The following PCDH11X variants were observed in gnomAD, a reference collection of about 807,000 sequenced individuals.
PCDH11X encodes the protein protocadherin 11 X-linked, also known as protocadherin-11 X-linked.
In PCDH11X, 18 loss-of-function variants were observed where a neutral mutation model predicts 53.3. The ratio of observed to expected loss-of-function variants is 0.34; its 90% CI spans 0.23 to 0.50. The LOEUF (loss-of-function observed/expected upper bound fraction) is 0.50. PCDH11X is among the 20% of genes least tolerant of loss of function. PCDH11X has a pLI of 0.98. For synonymous variants in PCDH11X, 279 were observed against 393.3 expected, an observed-to-expected ratio of 0.71 and a Z score of 3.44; for missense variants, 570 against 1,032.4, an observed-to-expected ratio of 0.55 and a Z score of 6.14.
intron 8 of PCDH11X, among the ~76,000 whole-genome samples, chrX:92,343,128 A>T (rs1273802951): frequency 1.8e-5 from 2 of 112,112 alleles, no homozygotes; most frequent in African/African-American, 6.5e-5. Context: ...TCTCATTTTA[A>T]ATGTGTAAAG....
In PCDH11X at chrX:91,810,505, A is replaced by C. The variant is rs908320541; in HGVS notation, c.-177A>C. 1 of 112,097 alleles carries C rather than the reference A, an allele frequency of 8.9e-6. No individual in the cohort carries two copies. Among genetic ancestry groups the C allele is most frequent in the Non-Finnish European group, 1.9e-5 (1 of 53,233 alleles). The allele number at this position is 112,097 out of a possible 1,213,427, so 9.2% of individuals were successfully genotyped here. On this transcript the variant is annotated 5_prime_UTR_variant, in exon 3 of 11. Coordinates refer to ENST00000682573, the MANE Select transcript of PCDH11X (RefSeq NM_032968.5). ...CTGTTGCGAATAAGAAGGATTCCACAGATCACATACCGGAGAGGTTTTGCC... is the reference window on the plus strand; with the variant it reads ...CTGTTGCGAATAAGAAGGATTCCACCGATCACATACCGGAGAGGTTTTGCC...
At chrX:92,182,308 C>A (rs5984156) in intron 6 of PCDH11X, among the ~76,000 whole-genome samples, 2 of 111,100 alleles carry the variant, frequency 1.8e-5, no homozygotes, top group Admixed American at 1.9e-4. Flanking sequence ...GCCTATACCC[C>A]CATTGTATTT....
chrX:92,364,659 C>A (rs2070422037), intron 8 of PCDH11X, among the ~76,000 whole-genome samples: 1 of 109,899 alleles, frequency 9.1e-6, no homozygotes, highest in Non-Finnish European at 1.9e-5. Flanking sequence ...GACTCTTTTA[C>A]CTCGTAAACT....
At chrX:91,889,551 G>T (rs779416230) in intron 6 of PCDH11X, among the ~76,000 whole-genome samples, 1 of 112,288 alleles carries the variant, frequency 8.9e-6, no homozygotes, top group South Asian at 3.7e-4. Context: ...GACCTCAGGT[G>T]ATCCACCCGC....
intron 4 of PCDH11X, among the ~76,000 whole-genome samples, chrX:91,821,385 T>A (rs1456410180): frequency 9.1e-6 from 1 of 109,501 alleles, no homozygotes; most frequent in East Asian, 2.9e-4. Flanking sequence ...AAGAGGTCCT[T>A]CACATCCCTT....
At chrX:91,883,050 C>T in intron 6 of PCDH11X, 1 of 1,073,292 alleles carries the variant, frequency 9.3e-7, no homozygotes, top group Non-Finnish European at 1.2e-6. Context: ...ATCTAGATTT[C>T]CCATTATAAA....
chrX:91,823,350 G>A (rs1445327297), intron 4 of PCDH11X, among the ~76,000 whole-genome samples: 2 of 110,590 alleles, frequency 1.8e-5, no homozygotes, highest in Non-Finnish European at 3.8e-5. Context: ...TTATGAATCT[G>A]GGTGCTCCTG....
chrX:92,436,366 C>T (rs2072374665), intron 9 of PCDH11X, among the ~76,000 whole-genome samples: 1 of 111,794 alleles, frequency 8.9e-6, no homozygotes, highest in South Asian at 3.7e-4. Flanking sequence ...AACACTTATA[C>T]ACTGTTAGTG....
At chrX:92,462,581 A>G (rs971479666) in intron 9 of PCDH11X, among the ~76,000 whole-genome samples, 3 of 110,380 alleles carry the variant, frequency 2.7e-5, no homozygotes, top group African/African-American at 9.9e-5. Flanking sequence ...TGCCAAACTG[A>G]AGAAAATAAT....
At position 91,982,204 on chromosome X, in the gene PCDH11X, AG is replaced by A. The variant is rs200995864; in HGVS notation, c.3033+102933del. Reference sequence around the variant, plus strand: ...GGTAAAGATGAACTGGGCTGGGAAAAGGTCATGAAGCTCTGTCTAAAAGAGT... The same window carrying A: ...GGTAAAGATGAACTGGGCTGGGAAAAGTCATGAAGCTCTGTCTAAAAGAGT... On this transcript the variant is annotated intron_variant, in intron 6 of 10. Transcript: ENST00000682573. 7.3e-3 allele frequency among the ~76,000 whole-genome samples: 806 copies of A among 110,006 alleles called. 5 individuals are homozygous for A. Among genetic ancestry groups the A allele is most frequent in the African/African-American group, 0.025 (764 of 30,208 alleles).
intron 5 of PCDH11X, among the ~76,000 whole-genome samples, chrX:91,857,825 A>G (rs936351972): frequency 9.0e-5 from 10 of 111,715 alleles, no homozygotes; most frequent in Non-Finnish European, 1.5e-4. Context: ...ATAGGCTGGC[A>G]TTGAGTGTCT....
chrX:91,908,031 C>T (rs1394506787), intron 6 of PCDH11X, among the ~76,000 whole-genome samples: 1 of 111,612 alleles, frequency 9.0e-6, no homozygotes, highest in African/African-American at 3.3e-5. Context: ...TCCAGTCTAT[C>T]ACTGATGGGC....
At chrX:91,803,773 T>C (rs1189920361) in intron 1 of PCDH11X, among the ~76,000 whole-genome samples, 1 of 111,960 alleles carries the variant, frequency 8.9e-6, no homozygotes, top group Non-Finnish European at 1.9e-5. Flanking sequence ...CTGATTACAT[T>C]CTTTGGAAAT....
chrX:91,801,602 A>G (rs777365710), intron 1 of PCDH11X, among the ~76,000 whole-genome samples: 2 of 112,551 alleles, frequency 1.8e-5, no homozygotes, highest in East Asian at 5.6e-4. Context: ...GAATTCATAT[A>G]GATAAATTAC....
At chrX:92,051,287 C>T (rs1368126841) in intron 6 of PCDH11X, among the ~76,000 whole-genome samples, 1 of 111,593 alleles carries the variant, frequency 9.0e-6, no homozygotes, top group Non-Finnish European at 1.9e-5. Flanking sequence ...AAGTGTTACT[C>T]TTTCTCTTCA....
chrX:91,999,336 C>A (rs1001040720), intron 6 of PCDH11X, among the ~76,000 whole-genome samples: 12 of 111,392 alleles, frequency 1.1e-4, no homozygotes, highest in African/African-American at 3.6e-4. Flanking sequence ...TTATTCAGTG[C>A]AGTTCTTTAA....
chrX:91,892,012 GGTGTGTGTGTGT>G (rs367707799), intron 6 of PCDH11X, among the ~76,000 whole-genome samples: 4 of 83,081 alleles, frequency 4.8e-5, no homozygotes, highest in Non-Finnish European at 9.2e-5. Context: ...TAATTAGAGG[GGTGTGTGTGTGT>G]GTGTGTGTGT....
intron 10 of PCDH11X, among the ~76,000 whole-genome samples, chrX:92,543,726 C>T (rs5984988): frequency 1.9e-5 from 2 of 104,369 alleles, no homozygotes; most frequent in African/African-American, 7.0e-5. Flanking sequence ...TGCAGTGAGC[C>T]GAGATCGTGC....
chrX:91,946,948 G>A (rs1272315367), intron 6 of PCDH11X, among the ~76,000 whole-genome samples: 1 of 106,046 alleles, frequency 9.4e-6, no homozygotes, highest in Non-Finnish European at 1.9e-5. Context: ...AATTCTTGGG[G>A]TTGAGAGCAT....
Sources: allele counts gnomAD v4.1 joint callset (sites outside exome capture counted in the v4.1 genomes callset), GRCh38; gene constraint gnomAD v4.1.1; transcripts MANE v1.5; gene names NCBI Gene and HGNC (gene_info 2026-07-23, HGNC 2026-07-21).